SPOCK1: variants seen among roughly 807,000 people sequenced by gnomAD.
SPOCK1 encodes testican-1.
SPOCK1 carries 23 observed loss-of-function variants against 55.3 expected under a neutral mutation model. The ratio of observed to expected loss-of-function variants is 0.42; its 90% CI spans 0.30 to 0.59. SPOCK1 has a LOEUF of 0.59. SPOCK1 is among the 20% of genes least tolerant of loss of function. The probability of loss-of-function intolerance (pLI) is 0.22; values close to 1 mark genes in which losing one functional copy is unlikely to be tolerated. For missense variants in SPOCK1, 499 were observed against 552.5 expected, an observed-to-expected ratio of 0.90 and a Z score of 0.97; for synonymous variants, 226 against 221.0, an observed-to-expected ratio of 1.02 and a Z score of -0.20.
At chr5:137,380,180 C>T (rs115414267) in intron 2 of SPOCK1, among the ~76,000 whole-genome samples, 4 of 152,286 alleles carry the variant, frequency 2.6e-5, no homozygotes, top group Admixed American at 1.3e-4. Flanking sequence ...AAAGGACTCA[C>T]TAAGGGCACA....
intron 2 of SPOCK1, among the ~76,000 whole-genome samples, chr5:137,404,410 C>T (rs1580907173): frequency 8.5e-6 from 1 of 117,408 alleles, no homozygotes; most frequent in Admixed American, 8.5e-5. Flanking sequence ...TTCAAAATGA[C>T]TTTTTTTTTT....
chr5:137,091,259 C>T (rs1753049733), intron 5 of SPOCK1, among the ~76,000 whole-genome samples: 1 of 152,208 alleles, frequency 6.6e-6, no homozygotes, highest in Non-Finnish European at 1.5e-5. Flanking sequence ...ATTTACTGAG[C>T]ACCTACTAGC....
intron 2 of SPOCK1, among the ~76,000 whole-genome samples, chr5:137,424,910 A>C (rs950512970): frequency 6.6e-6 from 1 of 152,222 alleles, no homozygotes; most frequent in African/African-American, 2.4e-5. Flanking sequence ...TACATGCGTG[A>C]ATACATTTGT....
At chr5:137,254,773 T>C (rs1756601870) in intron 3 of SPOCK1, among the ~76,000 whole-genome samples, 1 of 152,218 alleles carries the variant, frequency 6.6e-6, no homozygotes. Flanking sequence ...GGAAGGTAAC[T>C]ATGCAGTCAG....
At chr5:137,036,061 G>C (rs941166322) in intron 6 of SPOCK1, among the ~76,000 whole-genome samples, 2 of 152,088 alleles carry the variant, frequency 1.3e-5, no homozygotes, top group Non-Finnish European at 2.9e-5. Context: ...GAGAGAGCTG[G>C]GCTTGCATAG....
intron 5 of SPOCK1, among the ~76,000 whole-genome samples, chr5:137,107,436 C>A (rs1283723299): frequency 6.6e-6 from 1 of 152,222 alleles, no homozygotes; most frequent in African/African-American, 2.4e-5. Context: ...CACTCTCAAA[C>A]CAGCTGCACT....
chr5:137,137,138 T>C (rs25429), intron 4 of SPOCK1, among the ~76,000 whole-genome samples: 35,038 of 152,130 alleles, frequency 0.23, 4,431 homozygotes, highest in Non-Finnish European at 0.28. Context: ...TTGATCTGCT[T>C]GCAAAGATAG....
At chr5:137,026,286 G>A (rs1221828158) in intron 6 of SPOCK1, among the ~76,000 whole-genome samples, 1 of 152,190 alleles carries the variant, frequency 6.6e-6, no homozygotes, top group Admixed American at 6.5e-5. Context: ...GTATCCAGAT[G>A]GTAAGTCAAA....
chr5:137,321,191 C>A (rs1275787561), intron 2 of SPOCK1, among the ~76,000 whole-genome samples: 7 of 144,996 alleles, frequency 4.8e-5, no homozygotes, highest in Admixed American at 6.8e-5. Context: ...ATAGAAACAC[C>A]AACCAGAAAA....
intron 4 of SPOCK1, among the ~76,000 whole-genome samples, chr5:137,133,428 T>C (rs568127445): frequency 4.3e-4 from 65 of 152,202 alleles, no homozygotes; most frequent in African/African-American, 1.4e-3. Context: ...CGAATTTGCC[T>C]GACAATGTGC....
intron 10 of SPOCK1, 131 bp downstream of exon 10, chr5:136,979,201 A>C: frequency 7.6e-7 from 1 of 1,321,860 alleles, no homozygotes; most frequent in Non-Finnish European, 1.0e-6. Flanking sequence ...TTTCAGGGTT[A>C]CTATGCCTCT....
chr5:137,024,316 G>GGGGC, intron 6 of SPOCK1, among the ~76,000 whole-genome samples: 1 of 140,034 alleles, frequency 7.1e-6, no homozygotes, highest in Middle Eastern at 3.6e-3. Flanking sequence ...CAGTTTGAAG[G>GGGGC]GGGGGGGGTA....
At chr5:137,201,536 A>C (rs1427057970) in intron 3 of SPOCK1, among the ~76,000 whole-genome samples, 1 of 152,238 alleles carries the variant, frequency 6.6e-6, no homozygotes, top group Non-Finnish European at 1.5e-5. Context: ...TAATATTCTC[A>C]ATGCTAATAT....
At chr5:137,372,027 T>C (rs1751211383) in intron 2 of SPOCK1, among the ~76,000 whole-genome samples, 1 of 152,164 alleles carries the variant, frequency 6.6e-6, no homozygotes, top group African/African-American at 2.4e-5. Context: ...ACCCAACATA[T>C]CCAAACTATC....
intron 3 of SPOCK1, among the ~76,000 whole-genome samples, chr5:137,147,144 G>T (rs1754211574): frequency 6.6e-6 from 1 of 151,986 alleles, no homozygotes; most frequent in Admixed American, 6.6e-5. Context: ...CTTTTTTGGG[G>T]GTCAATTTTT....
In SPOCK1 at chr5:137,352,026, G is replaced by A. The variant is rs114542861; in HGVS notation, c.187-84971C>T. Reference sequence around the variant, plus strand: ...AGAGACTCAAAGGGCTCCAGCTCTGGAATCAGACAGGATAAGGTTGGAATC... The same window carrying A: ...AGAGACTCAAAGGGCTCCAGCTCTGAAATCAGACAGGATAAGGTTGGAATC... On this transcript the variant is annotated intron_variant, in intron 2 of 10. Coordinates refer to ENST00000394945, the MANE Select transcript of SPOCK1 (RefSeq NM_004598.4). Among the ~76,000 whole-genome samples, 901 of 152,320 alleles carry A rather than the reference G, an allele frequency of 5.9e-3. 13 individuals carry two copies. Among genetic ancestry groups the A allele is most frequent in the African/African-American group, 0.021 (864 of 41,558 alleles).
At chr5:137,282,982 G>T (rs1445572639) in intron 2 of SPOCK1, among the ~76,000 whole-genome samples, 5 of 152,202 alleles carry the variant, frequency 3.3e-5, no homozygotes, top group South Asian at 4.1e-4. Context: ...AGAACTTGTG[G>T]AGAAGCCACT....
chr5:137,384,507 T>C (rs546687424), intron 2 of SPOCK1, among the ~76,000 whole-genome samples: 1 of 152,002 alleles, frequency 6.6e-6, no homozygotes, highest in Non-Finnish European at 1.5e-5. Context: ...CTTGGTGGCA[T>C]ATACATACAT....
At chr5:137,440,245 C>T (rs1024694263) in intron 2 of SPOCK1, among the ~76,000 whole-genome samples, 2 of 151,504 alleles carry the variant, frequency 1.3e-5, no homozygotes, top group East Asian at 3.9e-4. Flanking sequence ...TATTCACAGA[C>T]ATGGAAAAGT....
Sources: allele counts gnomAD v4.1 joint callset (sites outside exome capture counted in the v4.1 genomes callset), GRCh38; gene constraint gnomAD v4.1.1; transcripts MANE v1.5; gene names NCBI Gene and HGNC (gene_info 2026-07-23, HGNC 2026-07-21).